SLC24A3: variants seen among roughly 807,000 people sequenced by gnomAD.
SLC24A3 encodes the protein sodium/potassium/calcium exchanger 3.
In SLC24A3, 28 loss-of-function variants were observed where a neutral mutation model predicts 75.8. That is an observed-to-expected ratio of 0.37 (90% CI 0.27 to 0.51). The LOEUF is 0.51. SLC24A3 is among the 20% of genes least tolerant of loss of function. SLC24A3 has a pLI of 0.94. For synonymous variants in SLC24A3, 372 were observed against 334.1 expected (o/e 1.11, Z -1.24); for missense variants, 663 against 847.8 (o/e 0.78, Z 2.71).
At chr20:19,295,061 T>C (rs561901470) in intron 2 of SLC24A3, among the ~76,000 whole-genome samples, 3 of 152,358 alleles carry the variant, frequency 2.0e-5, no homozygotes, top group African/African-American at 7.2e-5. Context: ...ATCAGTGATA[T>C]TGAGCTTTTG....
intron 2 of SLC24A3, among the ~76,000 whole-genome samples, chr20:19,498,681 G>A (rs1988335558): frequency 6.6e-6 from 1 of 152,132 alleles, no homozygotes; most frequent in Non-Finnish European, 1.5e-5. Context: ...AATAGTGGCA[G>A]ATTGCATCTT....
chr20:19,360,697 G>T (rs1302569587), intron 2 of SLC24A3, among the ~76,000 whole-genome samples: 1 of 152,156 alleles, frequency 6.6e-6, no homozygotes. Flanking sequence ...ACATGTGATT[G>T]TCAACATCTC....
chr20:19,442,562 G>A (rs73128650), intron 2 of SLC24A3, among the ~76,000 whole-genome samples: 7,282 of 152,074 alleles, frequency 0.048, 235 homozygotes, highest in Non-Finnish European at 0.07. Context: ...GGTTGTTTGC[G>A]TATTGTTGAA....
At chr20:19,584,609 T>C (rs1012701864) in intron 4 of SLC24A3, among the ~76,000 whole-genome samples, 1 of 152,254 alleles carries the variant, frequency 6.6e-6, no homozygotes, top group South Asian at 2.1e-4. Flanking sequence ...TGGCCTCCCA[T>C]GGGCCCACTC....
intron 2 of SLC24A3, 105 bp from the exon 3 acceptor site, chr20:19,515,383 T>A (rs1401448880): frequency 1.2e-5 from 13 of 1,052,232 alleles, no homozygotes; most frequent in Non-Finnish European, 1.7e-5. Flanking sequence ...GGATCTTTTT[T>A]TCATCCAAGT....
chr20:19,293,259 G>A (rs927204130), intron 2 of SLC24A3, among the ~76,000 whole-genome samples: 2 of 152,066 alleles, frequency 1.3e-5, no homozygotes, highest in East Asian at 1.9e-4. Context: ...GAGTTGTAAC[G>A]CAGCTGCACC....
chr20:19,636,892 T>G (rs2032008999), intron 6 of SLC24A3, among the ~76,000 whole-genome samples: 1 of 152,118 alleles, frequency 6.6e-6, no homozygotes, highest in Admixed American at 6.5e-5. Context: ...TTCTTAAAAG[T>G]TTTAATTAGT....
At chr20:19,351,772 T>C (rs1985571183) in intron 2 of SLC24A3, among the ~76,000 whole-genome samples, 2 of 152,142 alleles carry the variant, frequency 1.3e-5, no homozygotes, top group Non-Finnish European at 2.9e-5. Context: ...AACACAGTAA[T>C]ATCCAGAGAC....
chr20:19,281,147 A>AT (rs1983652241), intron 2 of SLC24A3, 60 bp downstream of exon 2: 13 of 1,596,400 alleles, frequency 8.1e-6, no homozygotes, highest in Non-Finnish European at 1.1e-5. Flanking sequence ...TGGCTGAGGA[A>AT]GAGCCAGCTG....
chr20:19,630,123 G>C (rs572090051), intron 6 of SLC24A3, among the ~76,000 whole-genome samples: 1 of 152,252 alleles, frequency 6.6e-6, no homozygotes, highest in East Asian at 1.9e-4. Flanking sequence ...TAGAGGCTTA[G>C]GGCACAAGAG....
intron 12 of SLC24A3, among the ~76,000 whole-genome samples, chr20:19,689,672 A>C (rs192244545): frequency 1.0e-3 from 158 of 152,332 alleles, no homozygotes; most frequent in African/African-American, 3.6e-3. Flanking sequence ...AGATGGAAAA[A>C]TGTCCAGAAA....
At chr20:19,460,703 T>C (rs577108775) in intron 2 of SLC24A3, among the ~76,000 whole-genome samples, 25 of 152,336 alleles carry the variant, frequency 1.6e-4, no homozygotes, top group African/African-American at 5.3e-4. Context: ...TGGATAATCA[T>C]GTTCTCTTCA....
At chr20:19,452,121 G>A (rs1041693699) in intron 2 of SLC24A3, among the ~76,000 whole-genome samples, 8 of 152,120 alleles carry the variant, frequency 5.3e-5, no homozygotes, top group East Asian at 3.9e-4. Context: ...TAGATGAGGC[G>A]CTTAAGGCTT....
At chr20:19,230,582 G>A (rs933616747) in intron 1 of SLC24A3, among the ~76,000 whole-genome samples, 2 of 148,160 alleles carry the variant, frequency 1.3e-5, no homozygotes, top group Non-Finnish European at 3.0e-5. Flanking sequence ...GCATTTCCGG[G>A]AACTGGGGTC....
chr20:19,493,012 C>A (rs1212103238), intron 2 of SLC24A3, among the ~76,000 whole-genome samples: 1 of 152,192 alleles, frequency 6.6e-6, no homozygotes, highest in African/African-American at 2.4e-5. Context: ...TGTCTCACTG[C>A]CGATATCTGA....
At chr20:19,233,296 G>A (rs544458023) in intron 1 of SLC24A3, among the ~76,000 whole-genome samples, 30 of 152,338 alleles carry the variant, frequency 2.0e-4, no homozygotes, top group African/African-American at 6.7e-4. Flanking sequence ...AAGGATGTCC[G>A]CTCCAGGCAG....
chr20:19,308,140 G>A (rs1984374523), intron 2 of SLC24A3, among the ~76,000 whole-genome samples: 1 of 152,118 alleles, frequency 6.6e-6, no homozygotes, highest in Non-Finnish European at 1.5e-5. Context: ...CTTCAACCTG[G>A]CCATTGTTTA....
intron 1 of SLC24A3, among the ~76,000 whole-genome samples, chr20:19,274,764 T>G (rs558659947): frequency 4.7e-4 from 72 of 152,326 alleles, no homozygotes; most frequent in South Asian, 1.9e-3. Context: ...AGAGCAGTGC[T>G]GCTCACTCAA....
chr20:19,221,795 T>C (rs1324701149), intron 1 of SLC24A3, among the ~76,000 whole-genome samples: 2 of 152,216 alleles, frequency 1.3e-5, no homozygotes, highest in African/African-American at 4.8e-5. Flanking sequence ...GTCTATTTTT[T>C]CCTAATCTTC....
Sources: allele counts gnomAD v4.1 joint callset (sites outside exome capture counted in the v4.1 genomes callset), GRCh38; gene constraint gnomAD v4.1.1; transcripts MANE v1.5; gene names NCBI Gene and HGNC (gene_info 2026-07-23, HGNC 2026-07-21).